Variants in IPO7 observed in about 807,000 individuals in gnomAD.
IPO7 encodes the protein importin-7.
In IPO7, 13 loss-of-function variants were observed where a neutral mutation model predicts 136.4. The observed-to-expected ratio is 0.10, with a 90% CI of 0.06 to 0.15. The LOEUF is 0.15. IPO7 is among the 10% of genes least tolerant of loss of function. The pLI, the probability that IPO7 is intolerant of heterozygous loss-of-function variation, is 1.00. For missense variants in IPO7, 857 were observed against 1,240.6 expected (o/e 0.69, Z 4.65); for synonymous variants, 403 against 404.4 (o/e 1.00, Z 0.04).
intron 4 of IPO7, among the ~76,000 whole-genome samples, chr11:9,412,454 T>C (rs1441719623): frequency 6.6e-6 from 1 of 152,214 alleles, no homozygotes; most frequent in African/African-American, 2.4e-5. Flanking sequence ...GCTGTGGCTC[T>C]TAGAATAATG....
At chr11:9,406,632 A>C (rs1340355506) in intron 2 of IPO7, among the ~76,000 whole-genome samples, 4 of 152,156 alleles carry the variant, frequency 2.6e-5, no homozygotes, top group African/African-American at 9.6e-5. Context: ...GCACTTTGGA[A>C]GGCCGTAGAT....
chr11:9,441,993 C>T (rs570518583), intron 23 of IPO7, 88 bp from the exon 24 acceptor site: 9 of 590,066 alleles, frequency 1.5e-5, no homozygotes, highest in African/African-American at 3.8e-5. Flanking sequence ...AGTATTGCCT[C>T]GGGATGGAGT....
chr11:9,415,702 G>A (rs1855032446), intron 5 of IPO7, among the ~76,000 whole-genome samples: 1 of 152,076 alleles, frequency 6.6e-6, no homozygotes, highest in Non-Finnish European at 1.5e-5. Flanking sequence ...GCTGGGCGTG[G>A]TGGCGGGCAC....
chr11:9,417,848 G>A (rs1206139564), intron 6 of IPO7, among the ~76,000 whole-genome samples: 1 of 151,140 alleles, frequency 6.6e-6, no homozygotes, highest in Non-Finnish European at 1.5e-5. Flanking sequence ...AAGTAGCTGG[G>A]ACTACAGACG....
chr11:9,404,633 T>C (rs1854853326), intron 2 of IPO7, among the ~76,000 whole-genome samples: 1 of 145,980 alleles, frequency 6.9e-6, no homozygotes, highest in Non-Finnish European at 1.5e-5. Context: ...TGGCGCGATT[T>C]CCGCTCACTG....
Position 9,429,183 on chromosome 11 carries a change from C to T in IPO7, c.1578C>T (p.Ser526=), listed in dbSNP as rs1855257083. The T allele has an allele frequency of 2.5e-6, 4 of 1,610,408 alleles. No individual in the cohort carries two copies. Among genetic ancestry groups the T allele is most frequent in the South Asian group, 1.1e-5 (1 of 90,402 alleles). ...CCATTGCCCTTCAAGTATTGATCAGCAATCAAGAAAAAGGTAAAGGATTTT... is the reference window on the plus strand; with the variant it reads ...CCATTGCCCTTCAAGTATTGATCAGTAATCAAGAAAAAGGTAAAGGATTTT... ...EAAIALQVLI[S]NQEKAKEYIT... is the part of the protein sequence containing the mutation. Residue 526 remains serine, a synonymous_variant, in exon 14 of 25, where the codon AGC becomes AGT. Coordinates refer to ENST00000379719, the MANE Select transcript of IPO7 (RefSeq NM_006391.3).
chr11:9,413,779 T>C (rs1315967949), intron 4 of IPO7, among the ~76,000 whole-genome samples: 2 of 152,016 alleles, frequency 1.3e-5, no homozygotes, highest in Non-Finnish European at 2.9e-5. Flanking sequence ...TTTCTTTTTC[T>C]AAATTGGTTA....
intron 16 of IPO7, chr11:9,433,366 T>C: frequency 1.9e-6 from 1 of 523,070 alleles, no homozygotes; most frequent in Non-Finnish European, 3.4e-6. Flanking sequence ...TAGCCATTCC[T>C]TGTGTTTTTC....
At position 9,409,587 on chromosome 11, in the gene IPO7, C is replaced by T. The variant is rs368099413; in HGVS notation, c.321-341C>T. ...TAGAGATGGGGTTTCACCATGTTGG[C>T]CAGGATGGTCTTGATCCCTTGACCT... On this transcript the variant is annotated intron_variant, in intron 3 of 24. Transcript: ENST00000379719. Among the ~76,000 whole-genome samples, 629 of 152,154 alleles carry T rather than the reference C, an allele frequency of 4.1e-3. 4 individuals carry two copies. The highest frequency in any genetic ancestry group is 0.014 in the South Asian group (66 of 4,814).
chr11:9,394,715 C>A (rs548468356), intron 1 of IPO7, among the ~76,000 whole-genome samples: 1 of 152,256 alleles, frequency 6.6e-6, no homozygotes, highest in East Asian at 1.9e-4. Context: ...TACTTATTAG[C>A]CCAATTGGAA....
intron 7 of IPO7, 53 bp from the exon 8 acceptor site, chr11:9,420,561 G>T (rs547564388): frequency 1.9e-6 from 3 of 1,556,146 alleles, no homozygotes; most frequent in East Asian, 4.5e-5. Flanking sequence ...TTGCTTTAAA[G>T]TGCTAGCATA....
intron 24 of IPO7, among the ~76,000 whole-genome samples, chr11:9,442,470 G>C (rs764652120): frequency 1.3e-5 from 2 of 151,952 alleles, no homozygotes; most frequent in Non-Finnish European, 2.9e-5. Context: ...CTGTAGTGCA[G>C]TGATGCGATG....
At position 9,446,388 on chromosome 11, in the gene IPO7, G is replaced by C. The variant is rs189764583; in HGVS notation, c.*1194G>C. 1 of 152,098 alleles carries C rather than the reference G, an allele frequency of 6.6e-6. No individual in the cohort carries two copies. The highest frequency in any genetic ancestry group is 1.5e-5 in the Non-Finnish European group (1 of 68,018). The allele number at this position is 152,098 out of a possible 1,614,324, so 9.4% of individuals were successfully genotyped here. A position where few individuals can be genotyped will look rare whatever the true frequency, so the allele number is the denominator to read the frequency against. On this transcript the variant is annotated 3_prime_UTR_variant, in exon 25 of 25. Transcript: ENST00000379719. Reference sequence around the variant, plus strand: ...TTTCCCCATCTCTTCTACCGCTCTTGTTGATCGTGGTATCTGATCTTGACT... The same window carrying C: ...TTTCCCCATCTCTTCTACCGCTCTTCTTGATCGTGGTATCTGATCTTGACT...
rs184135137 is a variant in IPO7 at position 9,413,701 on chromosome 11, A to G, written c.480-554A>G. Among the ~76,000 whole-genome samples, 50 of 151,604 alleles carry G rather than the reference A, an allele frequency of 3.3e-4. 1 individual carries two copies. Among genetic ancestry groups the G allele is most frequent in the East Asian group, 2.5e-3 (13 of 5,158 alleles). On this transcript the variant is annotated intron_variant, in intron 4 of 24. Coordinates refer to ENST00000379719, the MANE Select transcript of IPO7 (RefSeq NM_006391.3). ...TGACCTCATAATACATGTTCAGAAA[A>G]TACTGGATAATCTTTACCCAAGGTT... is the stretch of plus-strand genomic sequence containing the variant.
chr11:9,389,220 TG>T, intron 1 of IPO7, among the ~76,000 whole-genome samples: 1 of 152,200 alleles, frequency 6.6e-6, no homozygotes, highest in East Asian at 1.9e-4. Flanking sequence ...GGCCAATTTT[TG>T]TATTTTTAGT....
intron 6 of IPO7, among the ~76,000 whole-genome samples, chr11:9,418,689 C>G (rs1234636384): frequency 6.6e-6 from 1 of 151,992 alleles, no homozygotes; most frequent in Admixed American, 6.6e-5. Context: ...ATATTGTGCA[C>G]CTTTTTGTTG....
chr11:9,405,083 T>A (rs1245225970), intron 2 of IPO7, among the ~76,000 whole-genome samples: 1 of 152,224 alleles, frequency 6.6e-6, no homozygotes, highest in African/African-American at 2.4e-5. Context: ...TAACCTGGAC[T>A]CTGCTAGGCA....
intron 3 of IPO7, 129 bp from the exon 4 acceptor site, chr11:9,409,799 T>C (rs1854943500): frequency 3.4e-6 from 2 of 591,868 alleles, no homozygotes. Flanking sequence ...ATATATATTC[T>C]GTGTACATCT....
At chr11:9,396,616 A>G (rs968393715) in intron 1 of IPO7, among the ~76,000 whole-genome samples, 10 of 151,718 alleles carry the variant, frequency 6.6e-5, no homozygotes, top group Non-Finnish European at 1.0e-4. Flanking sequence ...CAACAATCCT[A>G]TTTTCTGTCT....
Sources: allele counts gnomAD v4.1 joint callset (sites outside exome capture counted in the v4.1 genomes callset), GRCh38; gene constraint gnomAD v4.1.1; transcripts MANE v1.5; gene names NCBI Gene and HGNC (gene_info 2026-07-23, HGNC 2026-07-21).